Variants in SAMD4A observed in about 807,000 individuals in gnomAD.
SAMD4A encodes the protein sterile alpha motif domain containing 4A.
Under a neutral mutation model 81.3 loss-of-function variants are expected in SAMD4A, and 33 were observed. The ratio of observed to expected loss-of-function variants is 0.41; its 90% CI spans 0.31 to 0.54. The LOEUF (loss-of-function observed/expected upper bound fraction) is 0.54. Ranked by LOEUF, SAMD4A falls within the 20% of genes least tolerant of loss-of-function variation. The pLI, the probability that SAMD4A is intolerant of heterozygous loss-of-function variation, is 0.37. For synonymous variants in SAMD4A, 389 were observed against 382.1 expected, an observed-to-expected ratio of 1.02 and a Z score of -0.21; for missense variants, 854 against 951.1, an observed-to-expected ratio of 0.90 and a Z score of 1.34.
chr14:54,783,141 C>T (rs2039041141), intron 11 of SAMD4A, among the ~76,000 whole-genome samples: 1 of 148,280 alleles, frequency 6.7e-6, no homozygotes, highest in South Asian at 2.1e-4. Context: ...CTTTTCAAAC[C>T]AGTGTCACAA....
chr14:54,685,329 C>A (rs1385290756), intron 2 of SAMD4A, among the ~76,000 whole-genome samples: 1 of 147,916 alleles, frequency 6.8e-6, no homozygotes, highest in African/African-American at 2.5e-5. Context: ...ACTCAAGAGA[C>A]CTCATACAAG....
chr14:54,566,430 A>G (rs924188231), upstream of SAMD4A, among the ~76,000 whole-genome samples: 2 of 151,718 alleles, frequency 1.3e-5, no homozygotes, highest in African/African-American at 4.8e-5. Context: ...GTGTTGTTGG[A>G]AGCTAGCGGC....
chr14:54,665,052 T>C (rs777237336), intron 2 of SAMD4A, among the ~76,000 whole-genome samples: 1 of 152,188 alleles, frequency 6.6e-6, no homozygotes, highest in Non-Finnish European at 1.5e-5. Flanking sequence ...TCTGTCTCTG[T>C]GTCGTGTCTA....
chr14:54,646,356 C>T (rs1459221176), intron 2 of SAMD4A, among the ~76,000 whole-genome samples: 1 of 152,148 alleles, frequency 6.6e-6, no homozygotes, highest in Non-Finnish European at 1.5e-5. Flanking sequence ...TAAATGCAGC[C>T]CAGGTGTACT....
chr14:54,662,314 G>T (rs2035659536), intron 2 of SAMD4A, among the ~76,000 whole-genome samples: 1 of 152,156 alleles, frequency 6.6e-6, no homozygotes, highest in African/African-American at 2.4e-5. Context: ...TGAGATTGAG[G>T]CTGTGCCTTT....
At chr14:54,623,634 T>G in intron 2 of SAMD4A, among the ~76,000 whole-genome samples, 1 of 81,884 alleles carries the variant, frequency 1.2e-5, no homozygotes, top group East Asian at 5.0e-4. Flanking sequence ...TTGGGGAGGG[T>G]GGGGACAAGG....
chr14:54,637,532 G>C (rs1424335504), intron 2 of SAMD4A, among the ~76,000 whole-genome samples: 1 of 152,118 alleles, frequency 6.6e-6, no homozygotes, highest in Non-Finnish European at 1.5e-5. Flanking sequence ...GCATCTGAGA[G>C]GCCAAGCAAG....
intron 2 of SAMD4A, among the ~76,000 whole-genome samples, chr14:54,598,266 A>G (rs1265240971): frequency 6.6e-6 from 1 of 152,230 alleles, no homozygotes; most frequent in Non-Finnish European, 1.5e-5. Context: ...GTTATGTTAT[A>G]CTGTCCACCA....
rs74805979 is a variant in SAMD4A, at chr14:54,579,613, T to C, written c.196+11501T>C. On this transcript the variant is annotated intron_variant, in intron 2 of 12. Transcript: ENST00000554335. Reference sequence around the variant, plus strand: ...AATATTCCTCTTACTTATGACATTTTAACTCTCCATAGCTTGGTATGGCTT... The same window carrying C: ...AATATTCCTCTTACTTATGACATTTCAACTCTCCATAGCTTGGTATGGCTT... Among the ~76,000 whole-genome samples, 578 of 152,380 alleles carry C rather than the reference T, an allele frequency of 3.8e-3. 4 individuals carry two copies. Among genetic ancestry groups the C allele is most frequent in the African/African-American group, 0.013 (539 of 41,596 alleles).
chr14:54,567,337 G>A lies in SAMD4A; in HGVS notation c.-423G>A, dbSNP rs1325969281. 1 of 152,514 alleles carries A rather than the reference G, an allele frequency of 6.6e-6. No homozygotes were observed. Among genetic ancestry groups the A allele is most frequent in the Admixed American group, 6.5e-5 (1 of 15,282 alleles). 9.4% of individuals were successfully genotyped at this position (152,514 alleles called of 1,614,324 possible). A position where few individuals can be genotyped will look rare whatever the true frequency, so the allele number is the denominator to read the frequency against. ...TGGGGAATAGCCCATCTCCCACATC[G>A]GGTGCGGAGGGGGCGGAGGGGGCGG... On this transcript the variant is annotated splice_region_variant and 5_prime_UTR_variant, in exon 1 of 13. Transcript: ENST00000554335.
At chr14:54,672,271 G>A (rs896652974) in intron 2 of SAMD4A, among the ~76,000 whole-genome samples, 1 of 151,626 alleles carries the variant, frequency 6.6e-6, no homozygotes, top group African/African-American at 2.4e-5. Flanking sequence ...TCGAGCCTTG[G>A]GATGCCTGTC....
intron 2 of SAMD4A, among the ~76,000 whole-genome samples, chr14:54,630,427 T>A (rs1318063445): frequency 6.6e-6 from 1 of 152,258 alleles, no homozygotes; most frequent in Non-Finnish European, 1.5e-5. Flanking sequence ...ATTTCCCGAA[T>A]GATGGGTGAT....
chr14:54,789,338 C>T lies in SAMD4A; in HGVS notation c.*394C>T, dbSNP rs544715085. ...AAGCCCTGGCCCTGGGGAGGCTTCTCGGAAGGCCTGGCTTCACAGGCAGGC... is the reference window on the plus strand; with the variant it reads ...AAGCCCTGGCCCTGGGGAGGCTTCTTGGAAGGCCTGGCTTCACAGGCAGGC... On this transcript the variant is annotated 3_prime_UTR_variant, in exon 13 of 13. Coordinates refer to ENST00000554335, the MANE Select transcript of SAMD4A (RefSeq NM_015589.6). 1.4e-5 allele frequency: 3 copies of T among 221,590 alleles called. No homozygotes were observed. Among genetic ancestry groups the T allele is most frequent in the South Asian group, 9.0e-5 (1 of 11,108 alleles). 13.7% of individuals were successfully genotyped at this position (221,590 alleles called of 1,614,324 possible).
chr14:54,753,696 T>C lies in SAMD4A; in HGVS notation c.1176+2159T>C, dbSNP rs111479048. ...ATTTATAGAATATACATATATAACT[T>C]TGTAAGAAACGTTTCTTTTTAAACC... On this transcript the variant is annotated intron_variant, in intron 6 of 12. Coordinates refer to ENST00000554335, the MANE Select transcript of SAMD4A (RefSeq NM_015589.6). Among the ~76,000 whole-genome samples, 702 of 150,748 alleles carry C rather than the reference T, an allele frequency of 4.7e-3. 5 individuals are homozygous for C. The highest frequency in any genetic ancestry group is 0.015 in the African/African-American group (609 of 41,234).
At chr14:54,772,483 G>A (rs1393627772) in intron 9 of SAMD4A, among the ~76,000 whole-genome samples, 3 of 152,024 alleles carry the variant, frequency 2.0e-5, no homozygotes, top group South Asian at 2.1e-4. Flanking sequence ...CCCTCATCAC[G>A]TCCTACTCCC....
intron 2 of SAMD4A, among the ~76,000 whole-genome samples, chr14:54,610,990 C>T (rs1168979844): frequency 6.6e-6 from 1 of 152,130 alleles, no homozygotes; most frequent in Non-Finnish European, 1.5e-5. Context: ...CAAAATCCTG[C>T]ATGATCATCA....
At chr14:54,685,282 C>A (rs112575850) in intron 2 of SAMD4A, among the ~76,000 whole-genome samples, 5 of 139,856 alleles carry the variant, frequency 3.6e-5, no homozygotes, top group African/African-American at 8.7e-5. Flanking sequence ...CTGCCCCCCC[C>A]CCCAGCTCCT....
At chr14:54,653,254 T>C (rs2035444714) in intron 2 of SAMD4A, among the ~76,000 whole-genome samples, 1 of 151,408 alleles carries the variant, frequency 6.6e-6, no homozygotes, top group Non-Finnish European at 1.5e-5. Context: ...GGCAGGGCCT[T>C]GAGGCCCCTG....
chr14:54,626,051 TGTGTGTGTGCGCGCGCGCGCGCGCGA>T (rs1249576053), intron 2 of SAMD4A, among the ~76,000 whole-genome samples: 10 of 129,536 alleles, frequency 7.7e-5, no homozygotes, highest in African/African-American at 2.5e-4. Context: ...TGTGTGTGTG[TGTGTGTGTGCGCGCGCGCGCGCGCGA>T]GTGCGCACAT....
Sources: allele counts gnomAD v4.1 joint callset (sites outside exome capture counted in the v4.1 genomes callset), GRCh38; gene constraint gnomAD v4.1.1; transcripts MANE v1.5; gene names NCBI Gene and HGNC (gene_info 2026-07-23, HGNC 2026-07-21).